Variants in SIK3 observed in about 807,000 individuals in gnomAD.
SIK3 encodes the protein SIK family kinase 3.
In SIK3, 28 loss-of-function variants were observed where a neutral mutation model predicts 144.2. That is an observed-to-expected ratio of 0.19 (90% confidence interval 0.14 to 0.27). The LOEUF (loss-of-function observed/expected upper bound fraction) is 0.27. Among genes scored for constraint, SIK3 ranks in the 10% least tolerant of loss-of-function variants. The pLI, the probability that SIK3 is intolerant of heterozygous loss-of-function variation, is 1.00. For synonymous variants in SIK3, 686 were observed against 676.3 expected, an observed-to-expected ratio of 1.01 and a Z score of -0.22; for missense variants, 1,319 against 1,776.0, an observed-to-expected ratio of 0.74 and a Z score of 4.62.
intron 2 of SIK3, 106 bp from the exon 3 acceptor site, chr11:116,954,213 T>C (rs977827508): frequency 1.2e-6 from 1 of 800,038 alleles, no homozygotes; most frequent in African/African-American, 1.8e-5. Context: ...TAATAACCAC[T>C]ATAGATTAAA....
intron 1 of SIK3, among the ~76,000 whole-genome samples, chr11:116,965,734 AATATATATATATATATATATATATAT>A (rs58587995): frequency 0.041 from 4,894 of 118,242 alleles, 310 homozygotes; most frequent in East Asian, 0.11. Context: ...TCTCTGCTAA[AATATATATATATATATATATATATAT>A]ATATATATAT....
chr11:117,058,738 G>A (rs1240932442), intron 1 of SIK3, among the ~76,000 whole-genome samples: 1 of 152,150 alleles, frequency 6.6e-6, no homozygotes, highest in African/African-American at 2.4e-5. Flanking sequence ...CTCCAAACAA[G>A]TGAGAAAACT....
intron 17 of SIK3, 116 bp downstream of exon 17, chr11:116,862,086 C>A: frequency 1.4e-6 from 2 of 1,474,702 alleles, no homozygotes; most frequent in Non-Finnish European, 1.9e-6. Context: ...AACATGTCAA[C>A]CATAAACAGA....
intron 1 of SIK3, among the ~76,000 whole-genome samples, chr11:117,075,076 G>A (rs1954453430): frequency 6.6e-6 from 1 of 152,028 alleles, no homozygotes; most frequent in Non-Finnish European, 1.5e-5. Context: ...ACTATAATTT[G>A]TGTTAAAAGA....
intron 1 of SIK3, among the ~76,000 whole-genome samples, chr11:117,023,621 A>AAATATAT (rs754624841): frequency 3.9e-4 from 37 of 95,402 alleles, no homozygotes; most frequent in Admixed American, 1.8e-3. Context: ...AAAAAAAAAA[A>AAATATAT]ATATATATAT....
intron 1 of SIK3, among the ~76,000 whole-genome samples, chr11:117,083,062 T>C (rs1218122533): frequency 2.0e-5 from 3 of 152,192 alleles, no homozygotes; most frequent in Non-Finnish European, 2.9e-5. Flanking sequence ...TTTCAAAATT[T>C]AATGTGACTC....
intron 1 of SIK3, among the ~76,000 whole-genome samples, chr11:116,958,751 G>A (rs1949235971): frequency 1.3e-5 from 2 of 152,146 alleles, no homozygotes; most frequent in South Asian, 4.1e-4. Context: ...TTGGTTTCCT[G>A]TAAGAAGTCT....
chr11:117,069,892 TA>T (rs1303519922), intron 1 of SIK3, among the ~76,000 whole-genome samples: 1 of 152,198 alleles, frequency 6.6e-6, no homozygotes, highest in African/African-American at 2.4e-5. Context: ...GTTGGCCCAT[TA>T]AAAGATTATT....
chr11:117,043,474 T>C (rs58576292), intron 1 of SIK3, among the ~76,000 whole-genome samples: 2,157 of 152,278 alleles, frequency 0.014, 62 homozygotes, highest in African/African-American at 0.049. Flanking sequence ...ATCCATCTGA[T>C]ATTCAACACA....
At chr11:116,970,144 G>A (rs1346936128) in intron 1 of SIK3, among the ~76,000 whole-genome samples, 1 of 152,178 alleles carries the variant, frequency 6.6e-6, no homozygotes, top group Non-Finnish European at 1.5e-5. Context: ...GGGCACATTA[G>A]CATGTGCCTG....
intron 1 of SIK3, among the ~76,000 whole-genome samples, chr11:117,052,169 A>ATC (rs148824213): frequency 3.6e-4 from 54 of 150,390 alleles, no homozygotes; most frequent in Admixed American, 9.3e-4. Flanking sequence ...AAGGAAAGAA[A>ATC]TCTCTCTCTC....
At chr11:117,051,886 G>A (rs747568750) in intron 1 of SIK3, among the ~76,000 whole-genome samples, 2 of 151,656 alleles carry the variant, frequency 1.3e-5, no homozygotes, top group East Asian at 2.0e-4. Flanking sequence ...GCTCATGCCT[G>A]TAATCCCAGC....
At chr11:116,953,485 T>G (rs931947697) in intron 3 of SIK3, among the ~76,000 whole-genome samples, 1 of 152,238 alleles carries the variant, frequency 6.6e-6, no homozygotes, top group Non-Finnish European at 1.5e-5. Flanking sequence ...CAAAGTCTCT[T>G]GCTTATTTCT....
intron 1 of SIK3, among the ~76,000 whole-genome samples, chr11:116,970,121 T>A (rs1264036069): frequency 6.6e-6 from 1 of 151,936 alleles, no homozygotes; most frequent in Non-Finnish European, 1.5e-5. Context: ...ACAAAAAAAA[T>A]TTCAAATTGG....
intron 1 of SIK3, among the ~76,000 whole-genome samples, chr11:117,086,983 A>T (rs1049634509): frequency 1.4e-5 from 2 of 146,048 alleles, no homozygotes; most frequent in African/African-American, 5.2e-5. Flanking sequence ...CAACAGAGCG[A>T]GACTCCATCT....
At chr11:116,995,493 G>A (rs528134903) in intron 1 of SIK3, among the ~76,000 whole-genome samples, 3 of 151,804 alleles carry the variant, frequency 2.0e-5, no homozygotes, top group East Asian at 2.0e-4. Flanking sequence ...AAACTCCTGC[G>A]CTCAAGGCAT....
chr11:117,026,861 A>G (rs572874010), intron 1 of SIK3, among the ~76,000 whole-genome samples: 1 of 152,334 alleles, frequency 6.6e-6, no homozygotes, highest in African/African-American at 2.4e-5. Flanking sequence ...GGCAAGGCAA[A>G]AACAGTGAAA....
intron 19 of SIK3, among the ~76,000 whole-genome samples, chr11:116,859,829 TAA>T (rs781029598): frequency 1.2e-3 from 178 of 152,318 alleles, no homozygotes; most frequent in Middle Eastern, 3.4e-3. Context: ...GATGGGCCCC[TAA>T]GAATTTGTGT....
intron 1 of SIK3, among the ~76,000 whole-genome samples, chr11:117,083,653 G>T (rs536118882): frequency 2.4e-4 from 37 of 152,292 alleles, no homozygotes; most frequent in African/African-American, 8.9e-4. Context: ...CTAACAGAAG[G>T]AAAAGACAAC....
Sources: allele counts gnomAD v4.1 joint callset (sites outside exome capture counted in the v4.1 genomes callset), GRCh38; gene constraint gnomAD v4.1.1; transcripts MANE v1.5; gene names NCBI Gene and HGNC (gene_info 2026-07-23, HGNC 2026-07-21).